The following FAM120B variants were observed in gnomAD, a reference collection of about 807,000 sequenced individuals.
FAM120B encodes constitutive coactivator of peroxisome proliferator-activated receptor gamma.
Under a neutral mutation model 96.3 loss-of-function variants are expected in FAM120B, and 83 were observed. That is an observed-to-expected ratio of 0.86 (90% CI 0.72 to 1.03). FAM120B has a LOEUF of 1.03. Ranked by LOEUF, FAM120B falls within the 50% of genes least tolerant of loss-of-function variation. The pLI is 0.00. For missense variants in FAM120B, 1,027 were observed against 1,121.2 expected (o/e 0.92, Z 1.20); for synonymous variants, 407 against 402.7 (o/e 1.01, Z -0.13).
chr6:170,393,292 C>T (rs563318285), intron 8 of FAM120B, among the ~76,000 whole-genome samples: 22 of 152,258 alleles, frequency 1.4e-4, no homozygotes, highest in African/African-American at 4.3e-4. Context: ...TGGCAGTAGG[C>T]GTGGCGGTTG....
chr6:170,330,420 C>T, intron 3 of FAM120B, 29 bp from the exon 4 acceptor site: 4 of 1,561,632 alleles, frequency 2.6e-6, no homozygotes, highest in Non-Finnish European at 3.5e-6. Flanking sequence ...TGCCCTCATG[C>T]ATCTACTGAC....
Position 170,323,083 on chromosome 6 carries a change from C to T in FAM120B, c.1739C>T (p.Ala580Val), listed in dbSNP as rs1302120038. 1.2e-6 allele frequency: 2 copies of T among 1,608,498 alleles called. No homozygotes were observed. The highest frequency in any genetic ancestry group is 1.7e-6 in the Non-Finnish European group (2 of 1,177,728). The change falls in exon 3 of 11, where the codon GCT becomes GTT. Residue 580 changes from alanine to valine, a missense_variant. This residue lies in a region of FAM120B where 880 missense variants were observed against 980.9 expected (regional missense o/e 0.90). Coordinates refer to ENST00000476287, the MANE Select transcript of FAM120B (RefSeq NM_032448.3). ...TTGTATTTAAATTTCAAACAGGTTG[C>T]TAGAACACATCACGTCCAAGCAGAA... is the stretch of plus-strand genomic sequence containing the variant. The part of the protein sequence containing the change: ...MVSDTEILKV[A>V]RTHHVQAESY...
intron 6 of FAM120B, among the ~76,000 whole-genome samples, chr6:170,380,531 A>G (rs749793620): frequency 1.1e-4 from 17 of 152,154 alleles, no homozygotes; most frequent in Non-Finnish European, 1.8e-4. Context: ...GTCTTTTTAG[A>G]CGATAGTCAT....
chr6:170,328,139 A>G (rs1176293424), intron 3 of FAM120B, among the ~76,000 whole-genome samples: 1 of 152,202 alleles, frequency 6.6e-6, no homozygotes, highest in East Asian at 1.9e-4. Flanking sequence ...ATTAACACCT[A>G]ACTTAAAATA....
chr6:170,355,952 T>G (rs994638872), intron 5 of FAM120B, among the ~76,000 whole-genome samples: 2 of 152,198 alleles, frequency 1.3e-5, no homozygotes, highest in Admixed American at 1.3e-4. Flanking sequence ...TGCACAACAA[T>G]GGGAAGGCCA....
At chr6:170,387,515 G>A (rs903915253) in intron 6 of FAM120B, among the ~76,000 whole-genome samples, 6 of 152,324 alleles carry the variant, frequency 3.9e-5, no homozygotes, top group African/African-American at 1.4e-4. Flanking sequence ...TCAGCCAGGA[G>A]GTAGAGAGTA....
upstream of FAM120B, among the ~76,000 whole-genome samples, chr6:170,293,585 T>G (rs1482208524): frequency 6.6e-6 from 1 of 152,176 alleles, no homozygotes; most frequent in African/African-American, 2.4e-5. Flanking sequence ...CAACTTAATT[T>G]ATGCCACGCG....
At chr6:170,312,787 G>A (rs1461574066) in intron 1 of FAM120B, among the ~76,000 whole-genome samples, 2 of 152,192 alleles carry the variant, frequency 1.3e-5, no homozygotes, top group Admixed American at 6.5e-5. Flanking sequence ...AGAGAGATCT[G>A]GCTTAGCTCT....
intron 4 of FAM120B, among the ~76,000 whole-genome samples, chr6:170,347,737 G>A (rs1168053672): frequency 6.6e-6 from 1 of 152,062 alleles, no homozygotes; most frequent in Non-Finnish European, 1.5e-5. Context: ...GCACATGAAA[G>A]GTTGAAAACC....
chr6:170,362,713 GCT>G (rs1229317508), intron 6 of FAM120B, among the ~76,000 whole-genome samples: 1 of 149,674 alleles, frequency 6.7e-6, no homozygotes, highest in Non-Finnish European at 1.5e-5. Flanking sequence ...ACAAGGTCTG[GCT>G]CTGTTGCCCA....
At chr6:170,328,556 T>TCTAG (rs1448598286) in intron 3 of FAM120B, among the ~76,000 whole-genome samples, 2 of 152,204 alleles carry the variant, frequency 1.3e-5, no homozygotes, top group African/African-American at 2.4e-5. Flanking sequence ...GCTTTTCTCC[T>TCTAG]CTAGCTGTCT....
intron 8 of FAM120B, among the ~76,000 whole-genome samples, chr6:170,395,268 C>A (rs7738313): frequency 0.59 from 89,096 of 151,920 alleles, 27,148 homozygotes; most frequent in Non-Finnish European, 0.65. Context: ...ATACCAGATT[C>A]TCCTGGGGTA....
intron 8 of FAM120B, among the ~76,000 whole-genome samples, chr6:170,392,357 G>A (rs1006864359): frequency 5.3e-5 from 8 of 152,096 alleles, no homozygotes; most frequent in African/African-American, 1.7e-4. Flanking sequence ...ACAGGCTTGT[G>A]CCACCACGCC....
intron 4 of FAM120B, 27 bp downstream of exon 4, chr6:170,330,577 C>A (rs145529365): frequency 6.6e-7 from 1 of 1,509,598 alleles, no homozygotes; most frequent in Non-Finnish European, 9.2e-7. Flanking sequence ...TTTAAATGAA[C>A]CACAGATCTT....
chr6:170,396,244 G>A (rs926800566), intron 9 of FAM120B, among the ~76,000 whole-genome samples: 2 of 152,028 alleles, frequency 1.3e-5, no homozygotes, highest in African/African-American at 2.4e-5. Context: ...TAGAGACTTC[G>A]CAAGCTGCTC....
Position 170,348,181 on chromosome 6 carries a change from T to A in FAM120B, c.2048T>A (p.Leu683Gln). Residue 683 changes from leucine to glutamine, a missense_variant, in exon 5 of 11, where the codon CTG becomes CAG. By Grantham distance (113) the Leu-to-Gln change is moderately radical. Around this residue, in one of 3 missense-constraint regions of FAM120B, gnomAD observed 880 missense variants for 980.9 expected, o/e 0.90. Transcript: ENST00000476287. ...ACGCCTAGTTTGAAAATATTATGGC[T>A]GAACCAAGAGCCAGAAATACAGGTT... ...GGTPSLKILWLNQEPEIQVRR... is the reference protein window; with the variant it reads ...GGTPSLKILWQNQEPEIQVRR... 6.2e-7 allele frequency: 1 copy of A among 1,614,124 alleles called. No homozygotes were observed. The highest frequency in any genetic ancestry group is 8.5e-7 in the Non-Finnish European group (1 of 1,179,994).
chr6:170,340,069 T>A (rs1786715813), intron 4 of FAM120B, among the ~76,000 whole-genome samples: 1 of 152,198 alleles, frequency 6.6e-6, no homozygotes, highest in African/African-American at 2.4e-5. Flanking sequence ...TCCTGGATAA[T>A]ATCCTAAAGT....
intron 4 of FAM120B, among the ~76,000 whole-genome samples, chr6:170,342,446 T>C (rs1316002300): frequency 6.6e-6 from 1 of 152,216 alleles, no homozygotes; most frequent in Non-Finnish European, 1.5e-5. Context: ...CTTATTTCCA[T>C]GTAAAAAGCA....
chr6:170,291,657 C>T (rs1783877506), upstream of FAM120B, among the ~76,000 whole-genome samples: 1 of 152,146 alleles, frequency 6.6e-6, no homozygotes, highest in African/African-American at 2.4e-5. Context: ...CACCTCCTGG[C>T]CCAGGACGGC....
Sources: gnomAD v4.1 joint callset for allele counts (sites outside exome capture counted in the v4.1 genomes callset) on GRCh38, gnomAD v4.1.1 for gene constraint, gnomAD v4.1.1 regional missense constraint, MANE v1.5 for transcripts, NCBI Gene and HGNC (gene_info 2026-07-23, HGNC 2026-07-21) for gene names.